INPP5K: variants seen among roughly 807,000 people sequenced by gnomAD.
The protein encoded by INPP5K is inositol polyphosphate 5-phosphatase K.
In INPP5K, 35 loss-of-function variants were observed where a neutral mutation model predicts 53.5. The ratio of observed to expected loss-of-function variants is 0.65; its 90% CI spans 0.50 to 0.87. The LOEUF is 0.87. Among genes scored for constraint, INPP5K ranks in the 40% least tolerant of loss-of-function variants. The probability of loss-of-function intolerance (pLI) is 0.00; values close to 1 mark genes in which losing one functional copy is unlikely to be tolerated. For synonymous variants in INPP5K, 253 were observed against 232.8 expected (o/e 1.09, Z -0.79); for missense variants, 550 against 586.2 (o/e 0.94, Z 0.64).
At chr17:1,496,923 G>A in intron 8 of INPP5K, 120 bp from the exon 9 acceptor site, 1 of 971,984 alleles carries the variant, frequency 1.0e-6, no homozygotes, top group Non-Finnish European at 1.5e-6. Flanking sequence ...AGAGGGGGTG[G>A]GCATGGAACT....
In INPP5K at chr17:1,498,049, C is replaced by G. The variant is rs149283703; in HGVS notation, c.850G>C (p.Asp284His). ...TGTGACGCCGGCGGTATGGGAGTGT[C>G]GGGGCCAGCACAGGGCTGCCGCTTC... ...RLKRQPCAGP[D>H]TPIPPASHFS... The change falls in exon 8 of 12, where the codon GAC becomes CAC. Residue 284 changes from aspartate (D) to histidine (H), a missense_variant. Coordinates refer to ENST00000421807, the MANE Select transcript of INPP5K (RefSeq NM_016532.4). The G allele has an allele frequency of 9.9e-6, 16 of 1,614,076 alleles. No individual in the cohort carries two copies. Among genetic ancestry groups the G allele is most frequent in the Admixed American group, 1.7e-5 (1 of 60,028 alleles).
Position 1,496,691 on chromosome 17 carries a change from G to A in INPP5K, c.1076C>T (p.Pro359Leu), listed in dbSNP as rs867404697. ...CTTGTACAGTCCAATCCAGTCCCAC[G>A]GGCTGCTGGGGAAGTCCGAGGTTGA... ...YSSTSDFPSS[P>L]WDWIGLYKVG... Residue 359 changes from proline (P) to leucine (L), a missense_variant, in exon 9 of 12, where the codon CCG (proline) becomes CTG (leucine). Pro to Leu is a moderately conservative substitution (Grantham distance 98). Coordinates refer to ENST00000421807, the MANE Select transcript of INPP5K (RefSeq NM_016532.4). 18 of 1,614,032 alleles carry A rather than the reference G, an allele frequency of 1.1e-5. No homozygotes were observed. Among genetic ancestry groups the A allele is most frequent in the East Asian group, 4.5e-5 (2 of 44,900 alleles).
At chr17:1,505,286 C>G (rs538308642) in intron 7 of INPP5K, among the ~76,000 whole-genome samples, 9 of 152,242 alleles carry the variant, frequency 5.9e-5, no homozygotes, top group African/African-American at 1.9e-4. Context: ...GCCACTACAC[C>G]CAGCTAATTT....
chr17:1,500,883 G>A (rs1054008022), intron 7 of INPP5K, among the ~76,000 whole-genome samples: 3 of 151,026 alleles, frequency 2.0e-5, no homozygotes, highest in South Asian at 2.1e-4. Context: ...AAAAATGTCC[G>A]TCTAATCTTA....
At chr17:1,514,582 A>G (rs1041965291) in intron 1 of INPP5K, among the ~76,000 whole-genome samples, 2 of 152,134 alleles carry the variant, frequency 1.3e-5, no homozygotes, top group African/African-American at 4.8e-5. Context: ...AGGGAGCCCA[A>G]GAATTTCAGG....
intron 1 of INPP5K, chr17:1,515,890 T>C: frequency 1.0e-6 from 1 of 985,668 alleles, no homozygotes; most frequent in Non-Finnish European, 1.2e-6. Context: ...AGACTCACTC[T>C]AAGAGGATGG....
At chr17:1,500,424 G>A (rs1440040681) in intron 7 of INPP5K, among the ~76,000 whole-genome samples, 1 of 151,950 alleles carries the variant, frequency 6.6e-6, no homozygotes, top group Non-Finnish European at 1.5e-5. Context: ...GAGTGCACTG[G>A]CGCAATCTCG....
rs762729166 is a variant in INPP5K at position 1,497,924 on chromosome 17, C to T, written c.963+12G>A. 1.3e-5 allele frequency: 21 copies of T among 1,608,444 alleles called. No individual in the cohort carries two copies. In the East Asian group the frequency reaches 3.4e-4, roughly 26 times the overall value. ...ATTCCTCTGGCAAGTATCAGGCAGC[C>T]CAGAAGTTCACCTCCAAGTCGAACG... On this transcript the variant is annotated intron_variant, in intron 8 of 11. Transcript: ENST00000421807.
At chr17:1,495,907 T>A in intron 11 of INPP5K, 28 bp from the exon 12 acceptor site, 1 of 1,592,262 alleles carries the variant, frequency 6.3e-7, no homozygotes, top group Non-Finnish European at 8.6e-7. Flanking sequence ...GTGGTGGAAA[T>A]GGAGAGCGGG....
intron 7 of INPP5K, among the ~76,000 whole-genome samples, chr17:1,502,051 A>C (rs995871740): frequency 4.2e-5 from 6 of 143,242 alleles, no homozygotes; most frequent in African/African-American, 1.0e-4. Flanking sequence ...AAAAAAGAAA[A>C]AAACAAACAA....
At chr17:1,508,524 C>A (rs1196851151) in intron 5 of INPP5K, 1 of 397,646 alleles carries the variant, frequency 2.5e-6, no homozygotes, top group South Asian at 2.4e-5. Flanking sequence ...CTGGTGACCT[C>A]AGGAGCCACA....
At chr17:1,504,015 G>A (rs1303755680) in intron 7 of INPP5K, among the ~76,000 whole-genome samples, 1 of 152,184 alleles carries the variant, frequency 6.6e-6, no homozygotes, top group Admixed American at 6.5e-5. Context: ...CCTCCTTCAA[G>A]ATACTGTCCT....
intron 11 of INPP5K, 30 bp from the exon 12 acceptor site, chr17:1,495,909 G>A: frequency 1.9e-6 from 3 of 1,587,854 alleles, no homozygotes; most frequent in Non-Finnish European, 2.6e-6. Flanking sequence ...GGTGGAAATG[G>A]AGAGCGGGTC....
At chr17:1,508,595 AG>A in intron 5 of INPP5K, 1 of 301,566 alleles carries the variant, frequency 3.3e-6, no homozygotes, top group Non-Finnish European at 6.4e-6. Flanking sequence ...GGCTGGAGGA[AG>A]GGGACCCCAG....
In INPP5K at chr17:1,507,015, G is replaced by A; in HGVS notation, c.741C>T (p.Tyr247=). 4 of 1,613,960 alleles carry A rather than the reference G, an allele frequency of 2.5e-6. No homozygotes were observed. The highest frequency in any genetic ancestry group is 3.4e-6 in the Non-Finnish European group (4 of 1,179,940). Residue 247 remains tyrosine (Y), a synonymous_variant, in exon 7 of 12, where the codon TAC becomes TAT. Coordinates refer to ENST00000421807, the MANE Select transcript of INPP5K (RefSeq NM_016532.4). The stretch of plus-strand genomic sequence containing the variant: ...AGTCGTTGGAGTTCCTATCAAACTT[G>A]TAGGTGGGCGGGAAGAGTAGGCGGC... ...QEGRLLFPPT[Y]KFDRNSNDYD...
Position 1,507,083 on chromosome 17 carries a change from T to C in INPP5K, c.673A>G (p.Ile225Val). The part of the protein sequence containing the change: ...GGLWEKDQLS[I>V]AKKHDPLLRE... Reference sequence around the variant, plus strand: ...AGCAGCGGGTCATGTTTCTTGGCAATGCTGAGCTGCAGACAAAGTCATAGT... The same window carrying C: ...AGCAGCGGGTCATGTTTCTTGGCAACGCTGAGCTGCAGACAAAGTCATAGT... Residue 225 changes from isoleucine to valine, a missense_variant, in exon 7 of 12, where the codon ATT (isoleucine) becomes GTT (valine). Ile to Val is a conservative substitution (Grantham distance 29, BLOSUM62 3). Transcript: ENST00000421807. The C allele has an allele frequency of 6.2e-7, 1 of 1,613,798 alleles. No individual in the cohort carries two copies. The highest frequency in any genetic ancestry group is 1.1e-5 in the South Asian group (1 of 91,064).
rs756806307 is a variant in INPP5K, at chr17:1,509,175, C to T, written c.554+3G>A. 2.5e-6 allele frequency: 4 copies of T among 1,611,444 alleles called. No homozygotes were observed. The South Asian group carries it at 3.3e-5, about 13-fold the overall frequency. On this transcript the variant is annotated splice_donor_region_variant and intron_variant, in intron 5 of 11. Transcript: ENST00000421807. ...GGGAACGGTCTGCCAGACCCAGGCT[C>T]ACTCGTGGTCCAGGATGTTTGGGAT...
chr17:1,503,904 C>T (rs367918037), intron 7 of INPP5K, among the ~76,000 whole-genome samples: 1 of 152,154 alleles, frequency 6.6e-6, no homozygotes, highest in African/African-American at 2.4e-5. Flanking sequence ...AGCACACTAA[C>T]GCTCACAGTC....
Position 1,516,485 on chromosome 17 carries a change from C to T in INPP5K, c.15G>A (p.Lys5=), listed in dbSNP as rs1451121947. 1 of 1,587,142 alleles carries T rather than the reference C, an allele frequency of 6.3e-7. No individual in the cohort carries two copies. The highest frequency in any genetic ancestry group is 8.5e-7 in the Non-Finnish European group (1 of 1,175,372). The change falls in exon 1 of 12, where the codon AAG becomes AAA. Residue 5 remains lysine (K), a synonymous_variant. Transcript: ENST00000421807. The stretch of plus-strand genomic sequence containing the variant: ...GCCTCCTGCCTTTCGGCCCGCTCAG[C>T]TTCCGCGAGCTCATGGCCGCCGTCG... The part of the protein sequence containing the change: MSSR[K]LSGPKGRRLS...
Sources: gnomAD v4.1 joint callset for allele counts (sites outside exome capture counted in the v4.1 genomes callset) on GRCh38, gnomAD v4.1.1 for gene constraint, MANE v1.5 for transcripts, NCBI Gene and HGNC (gene_info 2026-07-23, HGNC 2026-07-21) for gene names.